The following PTK2 variants were observed in gnomAD, a reference collection of about 807,000 sequenced individuals.
The protein encoded by PTK2 is focal adhesion kinase 1.
PTK2 carries 45 observed loss-of-function variants against 150.1 expected under a neutral mutation model. The ratio of observed to expected loss-of-function variants is 0.30; its 90% confidence interval spans 0.24 to 0.38. PTK2 has a LOEUF of 0.38. Among genes scored for constraint, PTK2 ranks in the 10% least tolerant of loss-of-function variants. PTK2 has a pLI of 1.00. For synonymous variants in PTK2, 432 were observed against 449.2 expected, an observed-to-expected ratio of 0.96 and a Z score of 0.48; for missense variants, 919 against 1,307.3, an observed-to-expected ratio of 0.70 and a Z score of 4.58.
rs923256818 is a variant in PTK2 at position 140,702,843 on chromosome 8, T to G, written c.2230-136A>C. 6.1e-6 allele frequency: 6 copies of G among 984,752 alleles called. No homozygotes were observed. The African/African-American group carries it at 8.2e-5, about 14-fold the overall frequency. 61.0% of individuals were successfully genotyped at this position (984,752 alleles called of 1,614,324 possible). On this transcript the variant is annotated intron_variant, in intron 24 of 31. Coordinates refer to ENST00000522684, the Ensembl canonical transcript of PTK2. The stretch of plus-strand genomic sequence containing the variant: ...TGGCCCCCCAAAGATACCCATGTTC[T>G]AATCCCTTGAACATGTGAATATGTT...
intron 23 of PTK2, among the ~76,000 whole-genome samples, chr8:140,715,467 C>T (rs908172344): frequency 2.6e-5 from 4 of 151,992 alleles, no homozygotes; most frequent in Non-Finnish European, 5.9e-5. Context: ...CCACCATGCC[C>T]GGCCGCCATT....
At chr8:140,671,482 A>G (rs1029193723) in intron 29 of PTK2, among the ~76,000 whole-genome samples, 2 of 152,332 alleles carry the variant, frequency 1.3e-5, no homozygotes, top group African/African-American at 2.4e-5. Context: ...TTGGCCTCTC[A>G]GTGTTGGAAT....
chr8:140,949,738 A>G (rs2100178875), intron 1 of PTK2, among the ~76,000 whole-genome samples: 1 of 152,152 alleles, frequency 6.6e-6, no homozygotes, highest in South Asian at 2.1e-4. Flanking sequence ...CCTAGGTGCC[A>G]TGGATGGCTT....
At chr8:140,865,890 T>A (rs1279033414) in intron 4 of PTK2, among the ~76,000 whole-genome samples, 3 of 152,154 alleles carry the variant, frequency 2.0e-5, no homozygotes, top group Admixed American at 6.5e-5. Flanking sequence ...GCTCAAGCGA[T>A]CCTCCCACCT....
chr8:140,853,386 T>C lies in PTK2; in HGVS notation c.451-6708A>G, dbSNP rs565267352. On this transcript the variant is annotated intron_variant, in intron 5 of 31. Transcript: ENST00000522684. ...CCCCAGTGTGTGATGTTCCCTGCCC[T>C]GTGTCCAAGTGTTCTCATTGTTCAA... Among the ~76,000 whole-genome samples, 6 of 118,220 alleles carry C rather than the reference T, an allele frequency of 5.1e-5. No individual in the cohort carries two copies. The South Asian group carries it at 1.5e-3, about 30-fold the overall frequency. The allele number at this position is 118,220 out of a possible 152,430, so 77.6% of individuals were successfully genotyped here.
chr8:140,874,010 A>AT (rs1215737041), intron 4 of PTK2, among the ~76,000 whole-genome samples: 1 of 152,110 alleles, frequency 6.6e-6, no homozygotes, highest in Admixed American at 6.5e-5. Flanking sequence ...CACTAAACTT[A>AT]TTTTTTTACA....
chr8:140,895,469 T>C (rs1456063760), intron 2 of PTK2, among the ~76,000 whole-genome samples: 2 of 151,958 alleles, frequency 1.3e-5, no homozygotes, highest in African/African-American at 4.8e-5. Flanking sequence ...CTGCAGCAAG[T>C]TATGACTGCA....
At chr8:140,735,261 C>A in exon 22 of PTK2, 1 of 1,613,842 alleles carries the variant, frequency 6.2e-7, no homozygotes, top group Non-Finnish European at 8.5e-7. Flanking sequence ...CTGAGCTGAG[C>A]TTTAAGTTCA....
intron 22 of PTK2, among the ~76,000 whole-genome samples, chr8:140,728,488 T>C (rs11997161): frequency 0.4 from 60,085 of 152,110 alleles, 13,408 homozygotes; most frequent in Non-Finnish European, 0.51. Flanking sequence ...ACAGTGTGTG[T>C]GCTTACCATG....
chr8:140,788,945 A>G (rs954629000), intron 14 of PTK2, among the ~76,000 whole-genome samples: 2 of 152,158 alleles, frequency 1.3e-5, no homozygotes, highest in Admixed American at 1.3e-4. Flanking sequence ...AAATGGGAAA[A>G]AAGGCATATC....
intron 31 of PTK2, among the ~76,000 whole-genome samples, chr8:140,663,257 G>GA (rs34308086): frequency 0.45 from 68,076 of 152,012 alleles, 15,466 homozygotes; most frequent in Non-Finnish European, 0.49. Flanking sequence ...ATGGAGCAAG[G>GA]TGACAATGTG....
intron 21 of PTK2, among the ~76,000 whole-genome samples, chr8:140,738,428 T>C (rs1368782567): frequency 1.3e-5 from 2 of 152,062 alleles, no homozygotes; most frequent in African/African-American, 4.8e-5. Flanking sequence ...AGAGCCACAC[T>C]TCTACACCAG....
chr8:140,730,974 T>G (rs1478008881), intron 22 of PTK2, among the ~76,000 whole-genome samples: 1 of 140,738 alleles, frequency 7.1e-6, no homozygotes, highest in East Asian at 2.5e-4. Flanking sequence ...CCTTTTTTTT[T>G]TGAGACAAAG....
At chr8:140,833,001 A>G (rs572460015) in intron 7 of PTK2, 1 of 519,048 alleles carries the variant, frequency 1.9e-6, no homozygotes, top group South Asian at 1.4e-5. Flanking sequence ...TATTTTTCTC[A>G]GAGCCAGGCA....
rs1000004403 is a variant in PTK2, at chr8:140,751,778, T to A, written c.1417+454A>T. The A allele has an allele frequency of 1.1e-5, 4 of 374,416 alleles. No homozygotes were observed. The Admixed American group carries it at 1.4e-4, about 13-fold the overall frequency. The allele number at this position is 374,416 out of a possible 1,614,324, so 23.2% of individuals were successfully genotyped here. On this transcript the variant is annotated intron_variant, in intron 17 of 31. Coordinates refer to ENST00000522684, the Ensembl canonical transcript of PTK2. Reference sequence around the variant, plus strand: ...AAGTGCTAGGATTACAAGCGTGAGCTACCGTGCCCAGCCTGGGTGATTTGT... The same window carrying A: ...AAGTGCTAGGATTACAAGCGTGAGCAACCGTGCCCAGCCTGGGTGATTTGT...
intron 1 of PTK2, among the ~76,000 whole-genome samples, chr8:140,990,308 C>T (rs1228359223): frequency 2.0e-5 from 3 of 151,618 alleles, no homozygotes; most frequent in South Asian, 2.1e-4. Flanking sequence ...GATCATGGCT[C>T]ACTGTAGACT....
chr8:140,989,477 CCAA>C (rs907239790), intron 1 of PTK2, among the ~76,000 whole-genome samples: 1 of 150,934 alleles, frequency 6.6e-6, no homozygotes, highest in African/African-American at 2.4e-5. Flanking sequence ...GATATATAAA[CCAA>C]CAAAGGACTT....
intron 2 of PTK2, among the ~76,000 whole-genome samples, chr8:140,918,660 CA>C (rs961703977): frequency 1.3e-5 from 2 of 152,140 alleles, no homozygotes; most frequent in African/African-American, 4.8e-5. Flanking sequence ...TTAAAGGTTT[CA>C]GTTCAAGGTA....
intron 2 of PTK2, among the ~76,000 whole-genome samples, chr8:140,914,585 C>G (rs1022926660): frequency 3.3e-5 from 5 of 151,938 alleles, no homozygotes; most frequent in Admixed American, 1.3e-4. Context: ...CCTCCCTCCA[C>G]CCTCAAGTAA....
Sources: allele counts gnomAD v4.1 joint callset (sites outside exome capture counted in the v4.1 genomes callset), GRCh38; gene constraint gnomAD v4.1.1; transcripts MANE v1.5; gene names NCBI Gene and HGNC (gene_info 2026-07-23, HGNC 2026-07-21).